Variants in DHRS4 observed in about 807,000 individuals in gnomAD.
The protein encoded by DHRS4 is dehydrogenase/reductase SDR family member 4.
A neutral mutation model predicts 28.4 loss-of-function variants in DHRS4; 20 were observed. The observed-to-expected ratio is 0.71, with a 90% CI of 0.50 to 1.02. DHRS4 has a LOEUF of 1.02. Ranked by LOEUF, DHRS4 falls within the 50% of genes least tolerant of loss-of-function variation. The pLI, the probability that DHRS4 is intolerant of heterozygous loss-of-function variation, is 0.00. For synonymous variants in DHRS4, 144 were observed against 146.4 expected (o/e 0.98, Z 0.12); for missense variants, 378 against 367.2 (o/e 1.03, Z -0.24).
chr14:23,953,910 C>A lies in DHRS4; in HGVS notation c.122C>A (p.Thr41Asn). The A allele has an allele frequency of 2.5e-6, 4 of 1,590,938 alleles. No individual in the cohort carries two copies. Among genetic ancestry groups the A allele is most frequent in the Non-Finnish European group, 3.4e-6 (4 of 1,169,270 alleles). Reference protein sequence around the residue: ...ANKVALVTASTDGIGFAIARR... With the variant: ...ANKVALVTASNDGIGFAIARR... Reference sequence around the variant, plus strand: ...AAGGTGGCCCTGGTAACGGCCTCCACCGACGGGTGAGTGCTCCGGCCGGAG... The same window carrying A: ...AAGGTGGCCCTGGTAACGGCCTCCAACGACGGGTGAGTGCTCCGGCCGGAG... The change falls in exon 1 of 8, where the codon ACC becomes AAC. Residue 41 changes from threonine (T) to asparagine (N), a missense_variant. By Grantham distance (65) the Thr-to-Asn change is moderately conservative. Coordinates refer to ENST00000313250, the MANE Select transcript of DHRS4 (RefSeq NM_021004.4).
At chr14:23,954,642 A>C (rs184293697) in intron 1 of DHRS4, among the ~76,000 whole-genome samples, 17 of 152,382 alleles carry the variant, frequency 1.1e-4, no homozygotes, top group Non-Finnish European at 1.9e-4. Context: ...TAGAATTTTG[A>C]GAATGATGTA....
chr14:23,965,841 A>G lies in DHRS4; in HGVS notation c.479+9A>G. On this transcript the variant is annotated intron_variant, in intron 4 of 7. Transcript: ENST00000313250. ...GAAATGGAGAAACGAGGGTACAGAGAGTGAGAGAGAGCCTGGGTGAGAGGG... is the reference window on the plus strand; with the variant it reads ...GAAATGGAGAAACGAGGGTACAGAGGGTGAGAGAGAGCCTGGGTGAGAGGG... The G allele has an allele frequency of 6.2e-7, 1 of 1,606,842 alleles. No homozygotes were observed. Among genetic ancestry groups the G allele is most frequent in the Non-Finnish European group, 8.5e-7 (1 of 1,176,224 alleles).
In DHRS4 at chr14:23,968,923, T is replaced by A; in HGVS notation, c.*52T>A. 6.2e-7 allele frequency: 1 copy of A among 1,604,718 alleles called. No individual in the cohort carries two copies. Among genetic ancestry groups the A allele is most frequent in the Non-Finnish European group, 8.5e-7 (1 of 1,175,484 alleles). ...AGTTGGGCTCTAGCTCCTGGTGCTG[T>A]TCCCGCATTCACCCACTGGCCTTTC... On this transcript the variant is annotated 3_prime_UTR_variant, in exon 8 of 8. Coordinates refer to ENST00000313250, the MANE Select transcript of DHRS4 (RefSeq NM_021004.4).
chr14:23,960,760 G>A (rs1034160894), intron 3 of DHRS4, among the ~76,000 whole-genome samples: 6 of 152,048 alleles, frequency 3.9e-5, no homozygotes, highest in Non-Finnish European at 8.8e-5. Flanking sequence ...CACTGATGTT[G>A]TATTAGTCTG....
intron 1 of DHRS4, among the ~76,000 whole-genome samples, chr14:23,954,616 A>C (rs1202871848): frequency 6.6e-6 from 1 of 152,216 alleles, no homozygotes; most frequent in Non-Finnish European, 1.5e-5. Context: ...CATGCACCCC[A>C]AAAAATAACT....
At chr14:23,963,155 GC>G (rs2033486573) in intron 3 of DHRS4, among the ~76,000 whole-genome samples, 1 of 107,334 alleles carries the variant, frequency 9.3e-6, no homozygotes, top group East Asian at 3.2e-4. Context: ...AAATCTGAGG[GC>G]CCTAGAATTT....
At chr14:23,960,030 CGG>C (rs147353351) in intron 3 of DHRS4, 27 bp downstream of exon 3, 1 of 1,036,750 alleles carries the variant, frequency 9.6e-7, no homozygotes, top group African/African-American at 1.9e-5. Context: ...GCAGGGGGGC[CGG>C]GGGGGGCGCC....
At position 23,966,396 on chromosome 14, in the gene DHRS4, C is replaced by G; in HGVS notation, c.645C>G (p.Ile215Met). 6.2e-7 allele frequency: 1 copy of G among 1,613,956 alleles called. No individual in the cohort carries two copies. Among genetic ancestry groups the G allele is most frequent in the Non-Finnish European group, 8.5e-7 (1 of 1,179,986 alleles). ...IRVNCLAPGL[I>M]KTSFSRMLWM... is the part of the protein sequence containing the mutation. ...TGAACTGCCTAGCACCTGGACTTAT[C>G]AAGACTAGCTTCAGCAGGATGGTGA... is the stretch of plus-strand genomic sequence containing the variant. Residue 215 changes from isoleucine to methionine, a missense_variant, in exon 6 of 8, where the codon ATC becomes ATG. Coordinates refer to ENST00000313250, the MANE Select transcript of DHRS4 (RefSeq NM_021004.4).
intron 1 of DHRS4, 30 bp from the exon 2 acceptor site, chr14:23,955,005 T>G: frequency 6.2e-7 from 1 of 1,613,858 alleles, no homozygotes. Flanking sequence ...TGCACAGGCC[T>G]TAGCAGTCTT....
At chr14:23,961,145 G>T (rs2033399235) in intron 3 of DHRS4, among the ~76,000 whole-genome samples, 1 of 151,182 alleles carries the variant, frequency 6.6e-6, no homozygotes, top group African/African-American at 2.5e-5. Flanking sequence ...GGACTTAGAG[G>T]GGACAAACTT....
At chr14:23,960,989 A>G (rs1355291543) in intron 3 of DHRS4, among the ~76,000 whole-genome samples, 1 of 151,876 alleles carries the variant, frequency 6.6e-6, no homozygotes, top group East Asian at 1.9e-4. Context: ...TCTTTTAAAC[A>G]ACTAGTTCTG....
In DHRS4 at chr14:23,957,552, C is replaced by A. The variant is rs1041043536; in HGVS notation, c.306+2340C>A. On this transcript the variant is annotated intron_variant, in intron 2 of 7. Coordinates refer to ENST00000313250, the MANE Select transcript of DHRS4 (RefSeq NM_021004.4). ...ACAATTTAGAATAAGACTTAGAAGA[C>A]TTTCCTTTTTTTTTTTTTTCCAGAG... Among the ~76,000 whole-genome samples, 73 of 135,876 alleles carry A rather than the reference C, an allele frequency of 5.4e-4. 1 individual carries two copies. Among genetic ancestry groups the A allele is most frequent in the Admixed American group, 4.2e-3 (61 of 14,694 alleles). 89.1% of individuals were successfully genotyped at this position (135,876 alleles called of 152,430 possible). A position where few individuals can be genotyped will look rare whatever the true frequency, so the allele number is the denominator to read the frequency against.
chr14:23,967,744 T>C, intron 7 of DHRS4: 4 of 204,570 alleles, frequency 2.0e-5, no homozygotes, highest in South Asian at 1.4e-4. Context: ...TTCAAGCACC[T>C]TTGTCGGGCT....
intron 2 of DHRS4, among the ~76,000 whole-genome samples, chr14:23,959,589 C>A (rs7156226): frequency 6.6e-6 from 1 of 151,490 alleles, no homozygotes; most frequent in Admixed American, 6.6e-5. Flanking sequence ...AAATGGTTAG[C>A]GGCAGATCTT....
At position 23,955,158 on chromosome 14, in the gene DHRS4, G is replaced by C. The variant is rs12147221; in HGVS notation, c.252G>C (p.Thr84=). Residue 84 remains threonine (T), a synonymous_variant, in exon 2 of 8, where the codon ACG becomes ACC. Coordinates refer to ENST00000313250, the MANE Select transcript of DHRS4 (RefSeq NM_021004.4). The part of the protein sequence containing the change: ...ATLQGEGLSV[T]GTVCHVGKAE... ...TGCAGGGGGAGGGGCTGAGCGTGAC[G>C]GGCACCGTGTGCCATGTGGGGAAGG... is the stretch of plus-strand genomic sequence containing the variant. The C allele has an allele frequency of 3.1e-6, 5 of 1,609,436 alleles. No individual in the cohort carries two copies. The highest frequency in any genetic ancestry group is 4.3e-6 in the Non-Finnish European group (5 of 1,176,372).
intron 1 of DHRS4, among the ~76,000 whole-genome samples, chr14:23,954,377 C>G (rs1257800901): frequency 6.6e-6 from 1 of 152,152 alleles, no homozygotes; most frequent in Non-Finnish European, 1.5e-5. Flanking sequence ...AGCCATATGT[C>G]GAGATTTTTG....
Position 23,968,736 on chromosome 14 carries a change from C to G in DHRS4, c.723-21C>G, listed in dbSNP as rs763247467. The G allele has an allele frequency of 1.1e-5, 18 of 1,604,470 alleles. 1 individual carries two copies. In the Admixed American group the frequency reaches 2.9e-4, roughly 26 times the overall value. On this transcript the variant is annotated intron_variant, in intron 7 of 7. Coordinates refer to ENST00000313250, the MANE Select transcript of DHRS4 (RefSeq NM_021004.4). ...GAACTGTTTGATTTTTACCTCCTTC[C>G]TTGCTTCCCTTATTCCCCAGGTTAG...
intron 6 of DHRS4, 96 bp from the exon 7 acceptor site, chr14:23,967,115 C>T: frequency 1.3e-6 from 2 of 1,497,870 alleles, no homozygotes; most frequent in South Asian, 1.3e-5. Context: ...GATAGCGCCA[C>T]TACAGTCCGG....
intron 3 of DHRS4, among the ~76,000 whole-genome samples, chr14:23,964,279 A>C (rs977912828): frequency 1.4e-5 from 2 of 144,340 alleles, no homozygotes; most frequent in Non-Finnish European, 3.0e-5. Context: ...AGCATAAGAA[A>C]ATATGTGTCT....
Sources: gnomAD v4.1 joint callset for allele counts (sites outside exome capture counted in the v4.1 genomes callset) on GRCh38, gnomAD v4.1.1 for gene constraint, MANE v1.5 for transcripts, NCBI Gene and HGNC (gene_info 2026-07-23, HGNC 2026-07-21) for gene names.